Variants in NAT1 observed in about 807,000 individuals in gnomAD.
NAT1 encodes N-acetyltransferase 1.
For synonymous variants in NAT1, 144 were observed against 122.6 expected (o/e 1.17, Z -1.16); for missense variants, 400 against 339.2 (o/e 1.18, Z -1.41).
intron 1 of NAT1, among the ~76,000 whole-genome samples, chr8:18,213,068 CT>C (rs34278443): frequency 0.1 from 14,635 of 142,610 alleles, 1,014 homozygotes; most frequent in East Asian, 0.35. Context: ...CCACACCTCG[CT>C]TTTTTTTTTT....
At chr8:18,192,938 T>C (rs1268258306) in intron 2 of NAT1, among the ~76,000 whole-genome samples, 2 of 151,752 alleles carry the variant, frequency 1.3e-5, no homozygotes, top group East Asian at 3.9e-4. Context: ...CATGTATACA[T>C]ATGTAACTAA....
At chr8:18,184,942 T>C (rs1283147357) in intron 2 of NAT1, among the ~76,000 whole-genome samples, 15 of 152,230 alleles carry the variant, frequency 9.9e-5, no homozygotes, top group Admixed American at 9.8e-4. Context: ...AGTAAGCTTA[T>C]CTCAAATTCC....
chr8:18,189,415 T>C (rs1294157408), intron 2 of NAT1, among the ~76,000 whole-genome samples: 1 of 152,030 alleles, frequency 6.6e-6, no homozygotes, highest in Non-Finnish European at 1.5e-5. Flanking sequence ...AAGAGAGCAA[T>C]ACTCTGGGGG....
chr8:18,194,304 G>A (rs1239705210), intron 2 of NAT1, among the ~76,000 whole-genome samples: 1 of 152,182 alleles, frequency 6.6e-6, no homozygotes, highest in Non-Finnish European at 1.5e-5. Context: ...AGGGGAGAGG[G>A]TGAGGTGGCA....
chr8:18,206,365 G>C (rs549468575), upstream of NAT1, among the ~76,000 whole-genome samples: 2 of 152,082 alleles, frequency 1.3e-5, no homozygotes. Flanking sequence ...CAGTCATCTC[G>C]GTCCCTTGGT....
At chr8:18,187,083 G>T (rs903599718) in intron 2 of NAT1, among the ~76,000 whole-genome samples, 4 of 152,198 alleles carry the variant, frequency 2.6e-5, no homozygotes, top group Non-Finnish European at 5.9e-5. Context: ...TAGCTGGAAT[G>T]AAGTGTTGTC....
intron 2 of NAT1, among the ~76,000 whole-genome samples, chr8:18,186,724 T>C (rs1011161824): frequency 6.6e-6 from 1 of 152,202 alleles, no homozygotes; most frequent in Non-Finnish European, 1.5e-5. Context: ...ATCCTTCCAG[T>C]GATTGCTTTA....
chr8:18,211,031 C>G (rs902836958), intron 1 of NAT1, among the ~76,000 whole-genome samples: 3 of 152,198 alleles, frequency 2.0e-5, no homozygotes, highest in Admixed American at 1.3e-4. Context: ...TCTCGAACTC[C>G]TGACCTCAAG....
chr8:18,216,797 A>G, intron 1 of NAT1: 1 of 809,034 alleles, frequency 1.2e-6, no homozygotes, highest in Non-Finnish European at 1.9e-6. Flanking sequence ...TATGATGAGA[A>G]TTTAGAAGGG....
At chr8:18,196,971 T>C (rs1184139311) in intron 2 of NAT1, among the ~76,000 whole-genome samples, 2 of 152,190 alleles carry the variant, frequency 1.3e-5, no homozygotes, top group African/African-American at 4.8e-5. Context: ...AGAGGTTTCG[T>C]TGACTCACAG....
intron 2 of NAT1, among the ~76,000 whole-genome samples, chr8:18,221,383 T>G (rs1805282567): frequency 6.6e-6 from 1 of 151,858 alleles, no homozygotes; most frequent in African/African-American, 2.4e-5. Context: ...GTCCTTTCTT[T>G]ACTTTAGTTT....
chr8:18,210,963 T>A (rs891369057), intron 1 of NAT1, among the ~76,000 whole-genome samples: 7 of 152,088 alleles, frequency 4.6e-5, no homozygotes, highest in Non-Finnish European at 7.4e-5. Context: ...TTAGTAGAGA[T>A]GGGGTTAATT....
At chr8:18,172,743 G>T (rs568564473) in intron 2 of NAT1, among the ~76,000 whole-genome samples, 2 of 151,998 alleles carry the variant, frequency 1.3e-5, no homozygotes, top group African/African-American at 4.8e-5. Flanking sequence ...CATCTTTCAT[G>T]GTTTGTATTT....
chr8:18,190,431 A>G (rs1802934706), intron 2 of NAT1, among the ~76,000 whole-genome samples: 1 of 152,384 alleles, frequency 6.6e-6, no homozygotes, highest in African/African-American at 2.4e-5. Context: ...ACATCACTCT[A>G]GTGATCATCT....
At chr8:18,181,641 T>C (rs902866763) in intron 2 of NAT1, among the ~76,000 whole-genome samples, 2 of 152,204 alleles carry the variant, frequency 1.3e-5, no homozygotes, top group African/African-American at 4.8e-5. Flanking sequence ...AAAGTGGGCA[T>C]ACTTGTCTTG....
At position 18,222,308 on chromosome 8, in the gene NAT1, G is replaced by T. The variant is rs368205381; in HGVS notation, c.261G>T (p.Thr87=). The part of the protein sequence containing the change: ...WALTTIGFET[T]MLGGYVYSTP... Reference sequence around the variant, plus strand: ...TGACCACTATTGGTTTTGAGACCACGATGTTGGGAGGGTATGTTTACAGCA... The same window carrying T: ...TGACCACTATTGGTTTTGAGACCACTATGTTGGGAGGGTATGTTTACAGCA... The change falls in exon 3 of 3, where the codon ACG becomes ACT. Residue 87 remains threonine, a synonymous_variant. Transcript: ENST00000307719. 1 of 1,614,064 alleles carries T rather than the reference G, an allele frequency of 6.2e-7. No individual in the cohort carries two copies. Among genetic ancestry groups the T allele is most frequent in the Non-Finnish European group, 8.5e-7 (1 of 1,179,990 alleles).
intron 1 of NAT1, chr8:18,211,355 G>T (rs1423519470): frequency 6.6e-6 from 1 of 152,156 alleles, no homozygotes; most frequent in Non-Finnish European, 1.5e-5. Flanking sequence ...ATACTTGTTT[G>T]CTCTTTCCTA....
intron 2 of NAT1, among the ~76,000 whole-genome samples, chr8:18,177,274 T>C (rs1802330055): frequency 6.6e-6 from 1 of 152,088 alleles, no homozygotes; most frequent in Non-Finnish European, 1.5e-5. Flanking sequence ...GAATAGTAAA[T>C]ATTAAAAGAC....
At chr8:18,181,618 G>C (rs1305344014) in intron 2 of NAT1, among the ~76,000 whole-genome samples, 3 of 152,196 alleles carry the variant, frequency 2.0e-5, no homozygotes, top group Non-Finnish European at 4.4e-5. Flanking sequence ...GTATAAAAGT[G>C]GTAAAAGTGG....
Sources: allele counts gnomAD v4.1 joint callset (sites outside exome capture counted in the v4.1 genomes callset), GRCh38; gene constraint gnomAD v4.1.1; transcripts MANE v1.5; gene names NCBI Gene and HGNC (gene_info 2026-07-23, HGNC 2026-07-21).